The following TBC1D22B variants were observed in gnomAD, a reference collection of about 807,000 sequenced individuals.
TBC1D22B encodes the protein TBC1 domain family member 22B.
TBC1D22B carries 32 observed loss-of-function variants against 69.1 expected under a neutral mutation model. The observed-to-expected ratio is 0.46, with a 90% CI of 0.35 to 0.62. The LOEUF is 0.62. Ranked by LOEUF, TBC1D22B falls within the 20% of genes least tolerant of loss-of-function variation. The pLI is 0.00. For synonymous variants in TBC1D22B, 206 were observed against 229.8 expected, an observed-to-expected ratio of 0.90 and a Z score of 0.94; for missense variants, 462 against 630.9, an observed-to-expected ratio of 0.73 and a Z score of 2.87.
chr6:37,324,884 G>A (rs1439978898), intron 12 of TBC1D22B, among the ~76,000 whole-genome samples: 2 of 152,172 alleles, frequency 1.3e-5, no homozygotes, highest in African/African-American at 4.8e-5. Context: ...TTCCTCATCT[G>A]TAAAATGGAA....
chr6:37,292,359 A>C (rs765932093), intron 8 of TBC1D22B, among the ~76,000 whole-genome samples: 9 of 152,164 alleles, frequency 5.9e-5, no homozygotes, highest in Non-Finnish European at 1.5e-5. Flanking sequence ...GGCCTATCCT[A>C]TCCAGGTTTT....
chr6:37,296,191 G>C (rs1050352850), intron 8 of TBC1D22B, among the ~76,000 whole-genome samples: 1 of 152,180 alleles, frequency 6.6e-6, no homozygotes, highest in African/African-American at 2.4e-5. Context: ...GAACCCAGGA[G>C]GCAGATGTTG....
At chr6:37,273,232 A>G (rs1562042953) in intron 2 of TBC1D22B, among the ~76,000 whole-genome samples, 2 of 149,220 alleles carry the variant, frequency 1.3e-5, no homozygotes, top group African/African-American at 2.5e-5. Context: ...AACAGCCTAG[A>G]CCTACATCGT....
At chr6:37,281,882 T>C (rs1426690362) in intron 3 of TBC1D22B, among the ~76,000 whole-genome samples, 1 of 152,094 alleles carries the variant, frequency 6.6e-6, no homozygotes, top group African/African-American at 2.4e-5. Flanking sequence ...GCATCTGGAG[T>C]CTCTGTTAGC....
At chr6:37,261,218 G>A (rs930223271) in intron 1 of TBC1D22B, among the ~76,000 whole-genome samples, 13 of 152,118 alleles carry the variant, frequency 8.5e-5, no homozygotes, top group African/African-American at 2.4e-4. Context: ...GATCGCTTGA[G>A]GCCAGGAGTC....
chr6:37,316,953 C>G, intron 11 of TBC1D22B, 123 bp downstream of exon 11: 1 of 1,547,736 alleles, frequency 6.5e-7, no homozygotes, highest in Non-Finnish European at 8.8e-7. Flanking sequence ...TCCATGTCTG[C>G]TTTAGCCTCA....
At chr6:37,325,707 G>C (rs926218300) in intron 12 of TBC1D22B, among the ~76,000 whole-genome samples, 1 of 151,840 alleles carries the variant, frequency 6.6e-6, no homozygotes, top group African/African-American at 2.4e-5. Context: ...ACGCCATGAC[G>C]CCCAGCTAAT....
chr6:37,294,264 T>C (rs1767283587), intron 8 of TBC1D22B, among the ~76,000 whole-genome samples: 1 of 152,210 alleles, frequency 6.6e-6, no homozygotes, highest in African/African-American at 2.4e-5. Context: ...CCTTATACTC[T>C]GGCTAAAGCA....
At chr6:37,268,234 T>G (rs1766366937) in intron 1 of TBC1D22B, among the ~76,000 whole-genome samples, 1 of 152,144 alleles carries the variant, frequency 6.6e-6, no homozygotes, top group Non-Finnish European at 1.5e-5. Context: ...TCTCATTTTC[T>G]TTCTTCTCTC....
intron 1 of TBC1D22B, among the ~76,000 whole-genome samples, chr6:37,264,440 G>A (rs931109576): frequency 1.3e-5 from 2 of 152,154 alleles, no homozygotes; most frequent in African/African-American, 2.4e-5. Context: ...AGCGTCCTGA[G>A]TAGCTGGGAT....
chr6:37,305,430 C>T (rs1230128935), intron 8 of TBC1D22B, among the ~76,000 whole-genome samples: 2 of 152,150 alleles, frequency 1.3e-5, no homozygotes, highest in African/African-American at 4.8e-5. Flanking sequence ...CTTTGTGTTC[C>T]CTCCTAGTCC....
rs371834051 is a variant in TBC1D22B at position 37,303,897 on chromosome 6, TTG to T, written c.983-9017_983-9016del. 1.5e-3 allele frequency among the ~76,000 whole-genome samples: 226 copies of T among 152,314 alleles called. 1 individual carries two copies. Among genetic ancestry groups the T allele is most frequent in the African/African-American group, 5.1e-3 (213 of 41,558 alleles). ...TGTGGCACTTTACCTCGCTAGTTGT[TTG>T]TGTTTCCCTCCTACTCTCTGCCACC... On this transcript the variant is annotated intron_variant, in intron 8 of 12. Coordinates refer to ENST00000373491, the MANE Select transcript of TBC1D22B (RefSeq NM_017772.4).
At chr6:37,300,423 A>G (rs1222879579) in intron 8 of TBC1D22B, among the ~76,000 whole-genome samples, 1 of 152,088 alleles carries the variant, frequency 6.6e-6, no homozygotes, top group Non-Finnish European at 1.5e-5. Context: ...GTGCAATGGC[A>G]CAATCTTGGC....
chr6:37,262,404 A>T lies in TBC1D22B; in HGVS notation c.56+4431A>T, dbSNP rs141593967. 2.3e-3 allele frequency among the ~76,000 whole-genome samples: 352 copies of T among 152,262 alleles called. 1 individual carries two copies. Among genetic ancestry groups the T allele is most frequent in the African/African-American group, 7.8e-3 (325 of 41,544 alleles). On this transcript the variant is annotated intron_variant, in intron 1 of 12. Transcript: ENST00000373491. The stretch of plus-strand genomic sequence containing the variant: ...TGCCATGTTGCCCAGGCTGGTCATG[A>T]ACTCCTGGGCTCAAGCAGTCTGCCC...
chr6:37,263,492 A>G (rs2113970701), intron 1 of TBC1D22B, among the ~76,000 whole-genome samples: 3 of 152,348 alleles, frequency 2.0e-5, no homozygotes, highest in Middle Eastern at 6.8e-3. Flanking sequence ...GTTCCCTCCA[A>G]TTTCAGAATA....
chr6:37,282,130 T>A, intron 3 of TBC1D22B, 55 bp from the exon 4 acceptor site: 6 of 1,590,986 alleles, frequency 3.8e-6, no homozygotes, highest in Non-Finnish European at 5.2e-6. Context: ...TTAAGGCTTC[T>A]CAGAATCCAT....
At chr6:37,304,263 G>A (rs934425110) in intron 8 of TBC1D22B, among the ~76,000 whole-genome samples, 3 of 152,188 alleles carry the variant, frequency 2.0e-5, no homozygotes, top group African/African-American at 7.2e-5. Flanking sequence ...GACCATAAAC[G>A]AAGTAGACAA....
chr6:37,293,235 G>A (rs987871796), intron 8 of TBC1D22B, among the ~76,000 whole-genome samples: 1 of 151,620 alleles, frequency 6.6e-6, no homozygotes, highest in African/African-American at 2.4e-5. Context: ...CTGCCACCAC[G>A]CCCGGCTAAT....
At chr6:37,286,320 T>TC (rs1163601651) in intron 6 of TBC1D22B, among the ~76,000 whole-genome samples, 1 of 86,980 alleles carries the variant, frequency 1.1e-5, no homozygotes, top group East Asian at 6.7e-4. Context: ...GATTTCCATT[T>TC]CTTTTTTTTT....
Sources: gnomAD v4.1 joint callset for allele counts (sites outside exome capture counted in the v4.1 genomes callset) on GRCh38, gnomAD v4.1.1 for gene constraint, MANE v1.5 for transcripts, NCBI Gene and HGNC (gene_info 2026-07-23, HGNC 2026-07-21) for gene names.